GLIS3: variants seen among roughly 807,000 people sequenced by gnomAD.
The protein encoded by GLIS3 is zinc finger protein GLIS3.
GLIS3 carries 53 observed loss-of-function variants against 78.6 expected under a neutral mutation model. That is an observed-to-expected ratio of 0.67 (90% CI 0.54 to 0.85). The LOEUF (loss-of-function observed/expected upper bound fraction) is 0.85. Among genes scored for constraint, GLIS3 ranks in the 40% least tolerant of loss-of-function variants. GLIS3 has a pLI of 0.00. For missense variants in GLIS3, 1,703 were observed against 1,231.1 expected (o/e 1.38, Z -5.74); for synonymous variants, 684 against 509.9 (o/e 1.34, Z -4.60).
chr9:4,301,456 T>C (rs570311298), upstream of GLIS3, among the ~76,000 whole-genome samples: 1 of 152,224 alleles, frequency 6.6e-6, no homozygotes, highest in African/African-American at 2.4e-5. Context: ...GCCATGACTA[T>C]TCCATTGTGG....
intron 6 of GLIS3, among the ~76,000 whole-genome samples, chr9:3,900,375 A>C (rs969006866): frequency 5.3e-5 from 8 of 151,808 alleles, no homozygotes; most frequent in Non-Finnish European, 1.2e-4. Flanking sequence ...ATATTGGTAC[A>C]AACAGTCTAG....
At chr9:4,018,971 G>A (rs142999752) in intron 4 of GLIS3, among the ~76,000 whole-genome samples, 2 of 152,326 alleles carry the variant, frequency 1.3e-5, no homozygotes, top group East Asian at 3.9e-4. Flanking sequence ...GGGTCTCGAA[G>A]TCCTATTAAG....
chr9:3,939,833 A>C lies in GLIS3; in HGVS notation c.1711-2644T>G, dbSNP rs117425999. On this transcript the variant is annotated intron_variant, in intron 4 of 10. Transcript: ENST00000381971. Reference sequence around the variant, plus strand: ...TACACCCCCAACTCACTCTTGTTGAAGAATTCACTTGCAGGAACCATGGAA... The same window carrying C: ...TACACCCCCAACTCACTCTTGTTGACGAATTCACTTGCAGGAACCATGGAA... Among the ~76,000 whole-genome samples the C allele has an allele frequency of 6.9e-4, 105 of 152,322 alleles. 1 individual carries two copies. The highest frequency in any genetic ancestry group is 1.4e-3 in the Non-Finnish European group (94 of 68,022).
chr9:4,483,447 C>G, the GLIS3 span, among the ~76,000 whole-genome samples: 2 of 151,830 alleles, frequency 1.3e-5, no homozygotes, highest in Non-Finnish European at 2.9e-5. Context: ...TGGCTGGGTG[C>G]GGTGGCTCAC....
the GLIS3 span, among the ~76,000 whole-genome samples, chr9:4,369,655 A>G: frequency 6.6e-6 from 1 of 152,178 alleles, no homozygotes; most frequent in Non-Finnish European, 1.5e-5. Context: ...CCTCACATGC[A>G]CATGGAGGAT....
chr9:4,444,547 C>A, the GLIS3 span, among the ~76,000 whole-genome samples: 1 of 152,190 alleles, frequency 6.6e-6, no homozygotes, highest in Non-Finnish European at 1.5e-5. Flanking sequence ...TCAAACTCGC[C>A]CACATATGAA....
intron 1 of GLIS3, among the ~76,000 whole-genome samples, chr9:4,295,941 T>G (rs1340724787): frequency 6.6e-6 from 1 of 152,164 alleles, no homozygotes; most frequent in Non-Finnish European, 1.5e-5. Flanking sequence ...TTTTTTTTTA[T>G]CACACAGATT....
At chr9:3,922,743 G>T (rs1021881083) in intron 6 of GLIS3, among the ~76,000 whole-genome samples, 2 of 151,876 alleles carry the variant, frequency 1.3e-5, no homozygotes, top group African/African-American at 4.8e-5. Flanking sequence ...AGTATGCTTT[G>T]AAAAAATATA....
chr9:3,848,291 G>T (rs773385154), intron 9 of GLIS3, among the ~76,000 whole-genome samples: 31 of 151,986 alleles, frequency 2.0e-4, no homozygotes, highest in Non-Finnish European at 4.0e-4. Context: ...ACCTGGGCTC[G>T]GGAGTTCAAG....
At chr9:3,910,980 G>A (rs1213041954) in intron 6 of GLIS3, among the ~76,000 whole-genome samples, 1 of 152,168 alleles carries the variant, frequency 6.6e-6, no homozygotes, top group Admixed American at 6.5e-5. Context: ...GAGTTAACCA[G>A]CTGTCTGACC....
At chr9:4,321,117 T>TC (rs56186858) in intron 2 of GLIS3, among the ~76,000 whole-genome samples, 22,126 of 151,346 alleles carry the variant, frequency 0.15, 3,358 homozygotes, top group African/African-American at 0.39. Context: ...CAGCATGGTC[T>TC]CCGCTTTTTT....
intron 2 of GLIS3, among the ~76,000 whole-genome samples, chr9:4,232,505 C>G (rs1822358747): frequency 6.6e-6 from 1 of 151,984 alleles, no homozygotes; most frequent in East Asian, 1.9e-4. Flanking sequence ...GGCTGTTTGA[C>G]TTTCAGCAAT....
At chr9:4,051,275 A>G (rs903130314) in intron 4 of GLIS3, among the ~76,000 whole-genome samples, 5 of 152,208 alleles carry the variant, frequency 3.3e-5, no homozygotes, top group Non-Finnish European at 7.3e-5. Context: ...ATGTGGTAGA[A>G]AAGTATCTGA....
chr9:3,879,278 G>A (rs1007169926), intron 8 of GLIS3, 149 bp downstream of exon 8: 37 of 746,338 alleles, frequency 5.0e-5, no homozygotes, highest in Non-Finnish European at 8.0e-5. Context: ...TGGTCCACGT[G>A]CTTTGTGTAT....
the GLIS3 span, among the ~76,000 whole-genome samples, chr9:4,480,784 G>A: frequency 6.7e-6 from 1 of 149,402 alleles, no homozygotes; most frequent in Non-Finnish European, 1.5e-5. Flanking sequence ...AATGCATATT[G>A]TAAATTTTAT....
chr9:4,174,609 G>A (rs1816660724), intron 2 of GLIS3, among the ~76,000 whole-genome samples: 1 of 151,960 alleles, frequency 6.6e-6, no homozygotes, highest in Non-Finnish European at 1.5e-5. Flanking sequence ...CCACAACTTC[G>A]CCTTTTATTG....
At chr9:4,422,184 G>T in the GLIS3 span, among the ~76,000 whole-genome samples, 1 of 152,146 alleles carries the variant, frequency 6.6e-6, no homozygotes, top group Non-Finnish European at 1.5e-5. Flanking sequence ...TCATAAATTT[G>T]TATTTCAACA....
intron 4 of GLIS3, among the ~76,000 whole-genome samples, chr9:4,067,484 G>A (rs1374601563): frequency 5.3e-5 from 8 of 151,998 alleles, no homozygotes; most frequent in Non-Finnish European, 7.4e-5. Flanking sequence ...AGAAAAAGAC[G>A]CTGTAGGTCA....
In GLIS3 at chr9:3,829,593, C is replaced by A; in HGVS notation, c.2474-101G>T. On this transcript the variant is annotated intron_variant, in intron 9 of 10. Coordinates refer to ENST00000381971, the MANE Select transcript of GLIS3 (RefSeq NM_001042413.2). ...CCTCACTCAGCCTGGCTTCCTAAGA[C>A]AAATGCCTTTAACTCTTAAGGCCAC... 4 of 1,225,276 alleles carry A rather than the reference C, an allele frequency of 3.3e-6. No homozygotes were observed. In the South Asian group the frequency reaches 5.1e-5, roughly 16 times the overall value. 75.9% of individuals were successfully genotyped at this position (1,225,276 alleles called of 1,614,324 possible). A position where few individuals can be genotyped will look rare whatever the true frequency, so the allele number is the denominator to read the frequency against.
Sources: allele counts gnomAD v4.1 joint callset (sites outside exome capture counted in the v4.1 genomes callset), GRCh38; gene constraint gnomAD v4.1.1; transcripts MANE v1.5; gene names NCBI Gene and HGNC (gene_info 2026-07-23, HGNC 2026-07-21).